ITPR2: variants seen among roughly 807,000 people sequenced by gnomAD.
The protein encoded by ITPR2 is inositol 1,4,5-trisphosphate-gated calcium channel ITPR2.
In ITPR2, 207 loss-of-function variants were observed where a neutral mutation model predicts 317.1. The observed-to-expected ratio is 0.65, with a 90% CI of 0.58 to 0.73. The LOEUF (loss-of-function observed/expected upper bound fraction) is 0.73, where lower values mean the gene tolerates loss of function less well. Ranked by LOEUF, ITPR2 falls within the 30% of genes least tolerant of loss-of-function variation. ITPR2 has a pLI of 0.00. For synonymous variants in ITPR2, 1,156 were observed against 1,149.1 expected, an observed-to-expected ratio of 1.01 and a Z score of -0.12; for missense variants, 2,613 against 3,284.0, an observed-to-expected ratio of 0.80 and a Z score of 4.99.
rs11048544 is a variant in ITPR2, at chr12:26,477,516, A to G, written c.6124-509T>C. Among the ~76,000 whole-genome samples, 18 of 152,258 alleles carry G rather than the reference A, an allele frequency of 1.2e-4. No individual in the cohort carries two copies. In the East Asian group the frequency reaches 2.9e-3, roughly 24 times the overall value. ...ATTAATCTATAAAATTACAAATTCCATGTGTTAGAAATATAATATAAACTT... is the reference window on the plus strand; with the variant it reads ...ATTAATCTATAAAATTACAAATTCCGTGTGTTAGAAATATAATATAAACTT... On this transcript the variant is annotated intron_variant, in intron 43 of 56. Coordinates refer to ENST00000381340, the MANE Select transcript of ITPR2 (RefSeq NM_002223.4).
chr12:26,657,910 A>G lies in ITPR2; in HGVS notation c.2007-18T>C. The stretch of plus-strand genomic sequence containing the variant: ...AGACCACCCTTCAAATAAATAGCAC[A>G]TACAAAAATCTACTAAAAAGTACAC... On this transcript the variant is annotated intron_variant, in intron 17 of 56. Transcript: ENST00000381340. 1 of 1,609,646 alleles carries G rather than the reference A, an allele frequency of 6.2e-7. No homozygotes were observed. The highest frequency in any genetic ancestry group is 1.3e-5 in the African/African-American group (1 of 74,820).
intron 2 of ITPR2, among the ~76,000 whole-genome samples, chr12:26,787,095 G>T (rs1353735359): frequency 6.6e-6 from 1 of 152,244 alleles, no homozygotes; most frequent in African/African-American, 2.4e-5. Flanking sequence ...GCAAAAGGAT[G>T]AGGCACTTGG....
intron 10 of ITPR2, among the ~76,000 whole-genome samples, chr12:26,691,768 CAG>C (rs1235636202): frequency 1.3e-5 from 2 of 151,918 alleles, no homozygotes; most frequent in Non-Finnish European, 2.9e-5. Flanking sequence ...TGTTGGGAGC[CAG>C]AGACATTCTG....
intron 5 of ITPR2, among the ~76,000 whole-genome samples, chr12:26,716,908 G>A (rs1395052287): frequency 1.3e-5 from 2 of 152,098 alleles, no homozygotes; most frequent in African/African-American, 4.8e-5. Flanking sequence ...TTGGAAAAGT[G>A]CTCTACAGAA....
At chr12:26,418,777 C>T (rs774916051) in intron 50 of ITPR2, among the ~76,000 whole-genome samples, 16 of 152,246 alleles carry the variant, frequency 1.1e-4, no homozygotes, top group Middle Eastern at 3.4e-3. Context: ...AAAGCAAAAG[C>T]AGCCCTTGTC....
chr12:26,467,870 C>T (rs61913998), intron 45 of ITPR2, among the ~76,000 whole-genome samples: 15,256 of 152,142 alleles, frequency 0.1, 1,022 homozygotes, highest in Non-Finnish European at 0.15. Context: ...CACGTAAGTG[C>T]CTATTAGAGG....
intron 5 of ITPR2, chr12:26,721,205 GT>G (rs11407207): frequency 3.8e-4 from 154 of 403,408 alleles, no homozygotes; most frequent in South Asian, 2.3e-3. Flanking sequence ...AAAAAGTAGG[GT>G]TTTTTTTTTA....
At chr12:26,756,973 C>T (rs57294941) in intron 2 of ITPR2, among the ~76,000 whole-genome samples, 1 of 151,960 alleles carries the variant, frequency 6.6e-6, no homozygotes, top group African/African-American at 2.4e-5. Context: ...AATAAAGAAG[C>T]CTTTACCAAG....
chr12:26,394,686 C>G (rs1425563529), intron 54 of ITPR2, among the ~76,000 whole-genome samples: 1 of 152,024 alleles, frequency 6.6e-6, no homozygotes, highest in African/African-American at 2.4e-5. Flanking sequence ...TTATTGATGG[C>G]TTTTTGAGTA....
chr12:26,409,118 A>G (rs1001567013), intron 52 of ITPR2, among the ~76,000 whole-genome samples: 9 of 152,174 alleles, frequency 5.9e-5, no homozygotes, highest in Admixed American at 3.9e-4. Context: ...TGTAGACCTG[A>G]ATTTGAGACT....
In ITPR2 at chr12:26,583,869, C is replaced by A. The variant is rs576863832; in HGVS notation, c.4381-3714G>T. Among the ~76,000 whole-genome samples, 3 of 152,242 alleles carry A rather than the reference C, an allele frequency of 2.0e-5. No homozygotes were observed. The South Asian group carries it at 6.2e-4, about 32-fold the overall frequency. On this transcript the variant is annotated intron_variant, in intron 32 of 56. Transcript: ENST00000381340. ...TCACAACTTGAAACAACCAAGTCGACCATCACTGTCTTTTCCAAGAAAAAA... is the reference window on the plus strand; with the variant it reads ...TCACAACTTGAAACAACCAAGTCGAACATCACTGTCTTTTCCAAGAAAAAA...
intron 49 of ITPR2, among the ~76,000 whole-genome samples, chr12:26,422,076 T>A (rs1214851353): frequency 6.6e-6 from 1 of 151,070 alleles, no homozygotes; most frequent in Non-Finnish European, 1.5e-5. Context: ...TTAAATTATC[T>A]ATTTGCTAAT....
At chr12:26,400,321 CATAAA>C (rs1280045912) in intron 52 of ITPR2, 63 bp from the exon 53 acceptor site, 136 of 984,728 alleles carry the variant, frequency 1.4e-4, no homozygotes, top group Non-Finnish European at 1.6e-4. Flanking sequence ...ATAAAATACA[CATAAA>C]ATGAAATATA....
intron 1 of ITPR2, among the ~76,000 whole-genome samples, chr12:26,825,211 C>T (rs186988693): frequency 3.5e-4 from 53 of 152,034 alleles, no homozygotes; most frequent in African/African-American, 1.3e-3. Flanking sequence ...CCAACCTGGA[C>T]GATAGAGCAA....
rs1392160938 is a variant in ITPR2 at position 26,831,714 on chromosome 12, A to G, written c.92+976T>C. The stretch of plus-strand genomic sequence containing the variant: ...TATATTCTACATAAAATATATAAAT[A>G]TATATTCTACATAAAATATATAAAT... On this transcript the variant is annotated intron_variant, in intron 1 of 56. Coordinates refer to ENST00000381340, the MANE Select transcript of ITPR2 (RefSeq NM_002223.4). The surrounding 1 kb of genome is among the most constrained non-coding windows in gnomAD (Gnocchi z 4.9). 7.3e-6 allele frequency among the ~76,000 whole-genome samples: 1 copy of G among 136,430 alleles called. No individual in the cohort carries two copies. The allele number at this position is 136,430 out of a possible 152,430, so 89.5% of individuals were successfully genotyped here. A position where few individuals can be genotyped will look rare whatever the true frequency, so the allele number is the denominator to read the frequency against.
chr12:26,767,626 G>A (rs187611982), intron 2 of ITPR2, among the ~76,000 whole-genome samples: 23 of 152,252 alleles, frequency 1.5e-4, no homozygotes, highest in Admixed American at 3.3e-4. Context: ...GTGTACACTT[G>A]TACATGCATA....
At chr12:26,595,273 G>A (rs1057362971) in intron 32 of ITPR2, among the ~76,000 whole-genome samples, 192 bp downstream of exon 32, 1 of 152,156 alleles carries the variant, frequency 6.6e-6, no homozygotes, top group African/African-American at 2.4e-5. Flanking sequence ...CATCTACAAT[G>A]TACTAAGTAT....
At chr12:26,640,263 T>G (rs559703362) in intron 21 of ITPR2, among the ~76,000 whole-genome samples, 80 of 152,172 alleles carry the variant, frequency 5.3e-4, no homozygotes, top group African/African-American at 1.1e-3. Context: ...CCCTATTAAC[T>G]CAGTTAGGCA....
chr12:26,517,456 A>G (rs1943553630), intron 37 of ITPR2, among the ~76,000 whole-genome samples: 1 of 152,236 alleles, frequency 6.6e-6, no homozygotes, highest in Non-Finnish European at 1.5e-5. Flanking sequence ...AATGCTCAAT[A>G]TTACTAATCA....
Sources: allele counts gnomAD v4.1 joint callset (sites outside exome capture counted in the v4.1 genomes callset), GRCh38; gene constraint gnomAD v4.1.1; non-coding constraint Gnocchi (gnomAD v3.1); transcripts MANE v1.5; gene names NCBI Gene and HGNC (gene_info 2026-07-23, HGNC 2026-07-21).